PXDNL: variants seen among roughly 807,000 people sequenced by gnomAD.
PXDNL encodes probable oxidoreductase PXDNL.
Under a neutral mutation model 150.8 loss-of-function variants are expected in PXDNL, and 145 were observed. The ratio of observed to expected loss-of-function variants is 0.96; its 90% confidence interval spans 0.84 to 1.10. The LOEUF (loss-of-function observed/expected upper bound fraction) is 1.10. Ranked by LOEUF, PXDNL falls within the 50% of genes least tolerant of loss-of-function variation. PXDNL has a pLI of 0.00. For synonymous variants in PXDNL, 757 were observed against 725.7 expected (o/e 1.04, Z -0.69); for missense variants, 2,087 against 1,873.9 (o/e 1.11, Z -2.10).
At chr8:51,444,211 T>C (rs1809618473) in intron 12 of PXDNL, among the ~76,000 whole-genome samples, 1 of 152,218 alleles carries the variant, frequency 6.6e-6, no homozygotes, top group East Asian at 1.9e-4. Context: ...GCACCCTCTG[T>C]CTTGGTTCAG....
At chr8:51,610,673 T>C (rs953080772) in intron 2 of PXDNL, among the ~76,000 whole-genome samples, 20 of 152,222 alleles carry the variant, frequency 1.3e-4, no homozygotes, top group African/African-American at 4.8e-4. Context: ...CTCACCAGGC[T>C]GAAATCAAAT....
At chr8:51,582,904 G>A (rs187759961) in intron 3 of PXDNL, among the ~76,000 whole-genome samples, 42 of 139,332 alleles carry the variant, frequency 3.0e-4, no homozygotes, top group African/African-American at 9.9e-4. Flanking sequence ...CCTGGTAAAC[G>A]ATGGCTGATC....
At chr8:51,405,100 G>T (rs1157952608) in intron 17 of PXDNL, among the ~76,000 whole-genome samples, 3 of 152,194 alleles carry the variant, frequency 2.0e-5, no homozygotes, top group African/African-American at 7.2e-5. Context: ...GCCACTGGGA[G>T]TGCGGGGCCC....
intron 12 of PXDNL, chr8:51,435,749 C>A: frequency 2.7e-6 from 1 of 376,642 alleles, no homozygotes; most frequent in South Asian, 2.4e-5. Flanking sequence ...GATCCCAGGC[C>A]CCGTTTGCAA....
At chr8:51,335,860 C>T (rs1488535813) in intron 21 of PXDNL, among the ~76,000 whole-genome samples, 1 of 152,000 alleles carries the variant, frequency 6.6e-6, no homozygotes, top group African/African-American at 2.4e-5. Context: ...TTTACTGGGC[C>T]CAACTACTTA....
intron 1 of PXDNL, among the ~76,000 whole-genome samples, chr8:51,726,470 A>T (rs1816819602): frequency 1.3e-5 from 2 of 152,346 alleles, no homozygotes; most frequent in East Asian, 3.9e-4. Context: ...GTGCCCACAG[A>T]AACCGCCTGG....
chr8:51,809,161 G>C lies in PXDNL; in HGVS notation c.164+20C>G. On this transcript the variant is annotated intron_variant, in intron 1 of 22. Coordinates refer to ENST00000356297, the MANE Select transcript of PXDNL (RefSeq NM_144651.5). ...GAAGCATTGGGGAAGAGGGTTTCTGGGGAATTTATGTGAACTTACAGAACT... is the reference window on the plus strand; with the variant it reads ...GAAGCATTGGGGAAGAGGGTTTCTGCGGAATTTATGTGAACTTACAGAACT... 6.2e-7 allele frequency: 1 copy of C among 1,613,086 alleles called. No homozygotes were observed. Among genetic ancestry groups the C allele is most frequent in the Non-Finnish European group, 8.5e-7 (1 of 1,179,398 alleles).
chr8:51,543,259 G>A (rs112441918), intron 4 of PXDNL, among the ~76,000 whole-genome samples: 32 of 152,170 alleles, frequency 2.1e-4, no homozygotes, highest in African/African-American at 7.5e-4. Context: ...ATACTACTCT[G>A]CCTCTTTCCA....
chr8:51,361,937 C>CAAAAAAAAAAAAAAAAAAAAAAAA (rs57092440), intron 19 of PXDNL, among the ~76,000 whole-genome samples: 50 of 58,074 alleles, frequency 8.6e-4, no homozygotes, highest in East Asian at 1.3e-3. Flanking sequence ...GATTCCATCT[C>CAAAAAAAAAAAAAAAAAAAAAAAA]AAAAAAAAAA....
intron 8 of PXDNL, among the ~76,000 whole-genome samples, chr8:51,463,073 G>T (rs1810120206): frequency 6.6e-6 from 1 of 152,066 alleles, no homozygotes; most frequent in Non-Finnish European, 1.5e-5. Context: ...TCCCAGACAA[G>T]CAAATGTTAA....
chr8:51,438,907 T>G (rs1437605505), intron 12 of PXDNL, among the ~76,000 whole-genome samples: 2 of 152,158 alleles, frequency 1.3e-5, no homozygotes, highest in African/African-American at 4.8e-5. Flanking sequence ...ATCTTTCACC[T>G]TATACAAAAA....
chr8:51,486,753 TATATATATA>T (rs1810747988), intron 5 of PXDNL, among the ~76,000 whole-genome samples: 278 of 21,754 alleles, frequency 0.013, 2 homozygotes, highest in East Asian at 0.028. Context: ...AAAAAGTTTA[TATATATATA>T]TATATATATA....
intron 19 of PXDNL, among the ~76,000 whole-genome samples, chr8:51,361,937 C>CAAAAAAAAAAAAAAAAAAAAAAAAAAAA (rs57092440): frequency 6.9e-5 from 4 of 58,052 alleles, no homozygotes; most frequent in Admixed American, 2.9e-4. Context: ...GATTCCATCT[C>CAAAAAAAAAAAAAAAAAAAAAAAAAAAA]AAAAAAAAAA....
intron 11 of PXDNL, among the ~76,000 whole-genome samples, chr8:51,448,350 C>G (rs575793198): frequency 6.6e-6 from 1 of 152,308 alleles, no homozygotes; most frequent in South Asian, 2.1e-4. Flanking sequence ...TTTCATTTCA[C>G]TTGTGATTTC....
Position 51,655,366 on chromosome 8 carries a change from G to T in PXDNL, c.165-606C>A, listed in dbSNP as rs541771672. Among the ~76,000 whole-genome samples, 72 of 152,246 alleles carry T rather than the reference G, an allele frequency of 4.7e-4. 2 individuals carry two copies. The highest frequency in any genetic ancestry group is 1.6e-3 in the African/African-American group (68 of 41,548). ...GTGTCAGCTATGTGCCACCTATCAT[G>T]TTAAGTAATAGGGATGCAAAGATAA... On this transcript the variant is annotated intron_variant, in intron 1 of 22. Coordinates refer to ENST00000356297, the MANE Select transcript of PXDNL (RefSeq NM_144651.5).
At chr8:51,586,971 G>A (rs1365147493) in intron 3 of PXDNL, among the ~76,000 whole-genome samples, 4 of 152,212 alleles carry the variant, frequency 2.6e-5, no homozygotes, top group South Asian at 2.1e-4. Context: ...CTAGTTTATC[G>A]TAAACATGCA....
chr8:51,397,641 GA>G (rs1171475012), intron 17 of PXDNL, among the ~76,000 whole-genome samples: 1 of 151,986 alleles, frequency 6.6e-6, no homozygotes, highest in Non-Finnish European at 1.5e-5. Flanking sequence ...TATTACTAAA[GA>G]AAAAATAGCT....
At chr8:51,562,812 T>C (rs956740731) in intron 3 of PXDNL, among the ~76,000 whole-genome samples, 1 of 152,048 alleles carries the variant, frequency 6.6e-6, no homozygotes, top group Non-Finnish European at 1.5e-5. Context: ...GGCTGTAAGA[T>C]GTATCAAGGC....
intron 1 of PXDNL, among the ~76,000 whole-genome samples, chr8:51,716,261 G>C (rs1017236832): frequency 6.6e-6 from 1 of 152,222 alleles, no homozygotes; most frequent in African/African-American, 2.4e-5. Flanking sequence ...TACCCTTTCG[G>C]TAGATATTTC....
Sources: allele counts gnomAD v4.1 joint callset (sites outside exome capture counted in the v4.1 genomes callset), GRCh38; gene constraint gnomAD v4.1.1; transcripts MANE v1.5; gene names NCBI Gene and HGNC (gene_info 2026-07-23, HGNC 2026-07-21).